The following SORBS2 variants were observed in gnomAD, a reference collection of about 807,000 sequenced individuals.
SORBS2 encodes sorbin and SH3 domain-containing protein 2.
In SORBS2, 46 loss-of-function variants were observed where a neutral mutation model predicts 97.7. That is an observed-to-expected ratio of 0.47 (90% CI 0.37 to 0.60). The LOEUF (loss-of-function observed/expected upper bound fraction) is 0.60, where lower values mean the gene tolerates loss of function less well. Among genes scored for constraint, SORBS2 ranks in the 20% least tolerant of loss-of-function variants. The pLI, the probability that SORBS2 is intolerant of heterozygous loss-of-function variation, is 0.00. For missense variants in SORBS2, 1,316 were observed against 1,282.3 expected, an observed-to-expected ratio of 1.03 and a Z score of -0.40; for synonymous variants, 476 against 473.4, an observed-to-expected ratio of 1.01 and a Z score of -0.07.
At chr4:185,914,180 A>G (rs2149892540) in intron 1 of SORBS2, among the ~76,000 whole-genome samples, 1 of 152,336 alleles carries the variant, frequency 6.6e-6, no homozygotes, top group South Asian at 2.1e-4. Flanking sequence ...ACCATCTATA[A>G]ACAAACTCAA....
At chr4:185,678,089 G>A (rs932812844) in intron 4 of SORBS2, among the ~76,000 whole-genome samples, 5 of 152,108 alleles carry the variant, frequency 3.3e-5, no homozygotes, top group Non-Finnish European at 7.4e-5. Context: ...CATACTCATA[G>A]TTATTGAATA....
chr4:185,903,074 C>T (rs2099248601), intron 1 of SORBS2, among the ~76,000 whole-genome samples: 1 of 152,096 alleles, frequency 6.6e-6, no homozygotes, highest in South Asian at 2.1e-4. Flanking sequence ...TCAGGGGGTG[C>T]CTTCCCGGAG....
chr4:185,638,079 C>A, intron 4 of SORBS2: 1 of 1,566,488 alleles, frequency 6.4e-7, no homozygotes, highest in Non-Finnish European at 8.8e-7. Context: ...CCTCACTTAC[C>A]GGGCGTCCAA....
intron 1 of SORBS2, among the ~76,000 whole-genome samples, chr4:185,866,214 C>T (rs2099226802): frequency 6.6e-6 from 1 of 152,142 alleles, no homozygotes; most frequent in African/African-American, 2.4e-5. Flanking sequence ...CCCTGAGTAC[C>T]AGTGCTGAGA....
intron 9 of SORBS2, among the ~76,000 whole-genome samples, chr4:185,617,170 T>C (rs2096642147): frequency 1.3e-5 from 2 of 152,252 alleles, no homozygotes; most frequent in Non-Finnish European, 2.9e-5. Context: ...GATTGATTTT[T>C]ACAAAGAAGA....
intron 12 of SORBS2, 52 bp downstream of exon 24, chr4:185,611,728 A>G: frequency 7.1e-7 from 1 of 1,406,708 alleles, no homozygotes; most frequent in Non-Finnish European, 1.0e-6. Flanking sequence ...CACACCGATT[A>G]TCTTACTTGG....
chr4:185,694,706 C>CTTTTTTTTTTTTTTTTTTT lies in SORBS2; in HGVS notation c.-197-15885_-197-15884insAAAAAAAAAAAAAAAAAAA, dbSNP rs1200094039. On this transcript the variant is annotated intron_variant, in intron 2 of 20. Coordinates refer to the SORBS2 transcript ENST00000284776. The stretch of plus-strand genomic sequence containing the variant: ...TTTCTTTTTCTTTTTCCTTTTCTTT[C>CTTTTTTTTTTTTTTTTTTT]TTTTCTTTTCTTTTTTTTGAGACGG... Among the ~76,000 whole-genome samples, 176 of 124,208 alleles carry CTTTTTTTTTTTTTTTTTTT rather than the reference C, an allele frequency of 1.4e-3. 8 individuals are homozygous for CTTTTTTTTTTTTTTTTTTT. Among genetic ancestry groups the CTTTTTTTTTTTTTTTTTTT allele is most frequent in the Non-Finnish European group, 2.1e-3 (124 of 60,006 alleles). 81.5% of individuals were successfully genotyped at this position (124,208 alleles called of 152,430 possible). A position where few individuals can be genotyped will look rare whatever the true frequency, so the allele number is the denominator to read the frequency against.
chr4:185,857,447 CAT>C (rs372236597), intron 1 of SORBS2, among the ~76,000 whole-genome samples: 2,845 of 152,230 alleles, frequency 0.019, 50 homozygotes, highest in Non-Finnish European at 0.031. Context: ...GTTTGTAAAA[CAT>C]GTGTGTTTGA....
chr4:185,639,154 CG>C, intron 4 of SORBS2, 119 bp from the exon 14 acceptor site: 1 of 908,040 alleles, frequency 1.1e-6, no homozygotes, highest in South Asian at 2.0e-5. Flanking sequence ...GGCCTCCGGA[CG>C]GCGAAGTGTC....
chr4:185,599,617 T>C (rs1197446153), intron 12 of SORBS2, among the ~76,000 whole-genome samples: 2 of 152,208 alleles, frequency 1.3e-5, no homozygotes, highest in Admixed American at 1.3e-4. Flanking sequence ...AGTTCGGCAC[T>C]GTAGATGCTT....
chr4:185,719,088 G>A (rs919517744), intron 2 of SORBS2, among the ~76,000 whole-genome samples: 1 of 151,572 alleles, frequency 6.6e-6, no homozygotes, highest in Admixed American at 6.6e-5. Context: ...AAAAAAAATC[G>A]GTGTACCTGT....
intron 12 of SORBS2, among the ~76,000 whole-genome samples, chr4:185,610,984 T>A (rs1358803058): frequency 6.6e-6 from 1 of 152,130 alleles, no homozygotes; most frequent in African/African-American, 2.4e-5. Context: ...AAATTTCACA[T>A]TGTGAGTACA....
chr4:185,589,777 G>T, exon 14 of SORBS2: 1 of 1,589,756 alleles, frequency 6.3e-7, no homozygotes, highest in Non-Finnish European at 8.6e-7. Context: ...GTTATACAGA[G>T]CCTGAAACCT....
chr4:185,781,528 TCCAG>T (rs2099029159), intron 1 of SORBS2, among the ~76,000 whole-genome samples: 1 of 151,552 alleles, frequency 6.6e-6, no homozygotes, highest in African/African-American at 2.4e-5. Flanking sequence ...CTCCCGCCTC[TCCAG>T]CCTCCCTTCC....
intron 1 of SORBS2, among the ~76,000 whole-genome samples, chr4:185,936,023 T>C (rs192321547): frequency 1.3e-5 from 2 of 152,230 alleles, no homozygotes; most frequent in African/African-American, 4.8e-5. Context: ...GGCTAAGTTT[T>C]GTGTTTTTTG....
At chr4:185,669,162 C>T (rs570467622) in intron 4 of SORBS2, among the ~76,000 whole-genome samples, 1 of 152,264 alleles carries the variant, frequency 6.6e-6, no homozygotes, top group East Asian at 1.9e-4. Context: ...GGGTGAGCTT[C>T]AGCAGTGGAA....
intron 7 of SORBS2, 106 bp downstream of exon 19, chr4:185,622,808 C>T: frequency 1.7e-6 from 2 of 1,195,150 alleles, no homozygotes; most frequent in Non-Finnish European, 1.2e-6. Flanking sequence ...ATAACGACGC[C>T]AAATGGTCTC....
At chr4:185,677,967 CAT>C (rs111888882) in intron 4 of SORBS2, among the ~76,000 whole-genome samples, 106 of 151,536 alleles carry the variant, frequency 7.0e-4, no homozygotes, top group African/African-American at 2.4e-3. Flanking sequence ...TAGACTTTGA[CAT>C]ATATATATAT....
At chr4:185,668,203 A>C (rs1050566835) in intron 4 of SORBS2, among the ~76,000 whole-genome samples, 1 of 152,254 alleles carries the variant, frequency 6.6e-6, no homozygotes, top group Non-Finnish European at 1.5e-5. Flanking sequence ...TCAAAAGCTA[A>C]AGCGTATTCT....
Sources: allele counts gnomAD v4.1 joint callset (sites outside exome capture counted in the v4.1 genomes callset), GRCh38; gene constraint gnomAD v4.1.1; transcripts MANE v1.5; gene names NCBI Gene and HGNC (gene_info 2026-07-23, HGNC 2026-07-21).